Variants in TBC1D5 observed in about 807,000 individuals in gnomAD.
TBC1D5 encodes the protein TBC1 domain family member 5, also known as TBC1 domain family, member 5.
In TBC1D5, 75 loss-of-function variants were observed where a neutral mutation model predicts 100.3. That is an observed-to-expected ratio of 0.75 (90% confidence interval 0.62 to 0.91). The LOEUF (loss-of-function observed/expected upper bound fraction) is 0.91, where lower values mean the gene tolerates loss of function less well. TBC1D5 is among the 40% of genes least tolerant of loss of function. The pLI is 0.00. For synonymous variants in TBC1D5, 323 were observed against 325.6 expected, an observed-to-expected ratio of 0.99 and a Z score of 0.09; for missense variants, 910 against 942.4, an observed-to-expected ratio of 0.97 and a Z score of 0.45.
intron 2 of TBC1D5, among the ~76,000 whole-genome samples, chr3:17,617,178 T>C (rs2062242342): frequency 6.6e-6 from 1 of 152,190 alleles, no homozygotes; most frequent in South Asian, 2.1e-4. Context: ...AAATTCTGGG[T>C]TGAAAATTCT....
chr3:17,356,138 C>A (rs1301088280), intron 13 of TBC1D5, among the ~76,000 whole-genome samples: 2 of 152,028 alleles, frequency 1.3e-5, no homozygotes, highest in African/African-American at 4.8e-5. Flanking sequence ...GTGTTATTTT[C>A]AAAGGTGTGT....
At chr3:17,482,396 G>A (rs2095512057) in intron 3 of TBC1D5, among the ~76,000 whole-genome samples, 1 of 152,190 alleles carries the variant, frequency 6.6e-6, no homozygotes, top group African/African-American at 2.4e-5. Context: ...ATACTTTTGT[G>A]TATGCAATTT....
At chr3:17,562,873 A>G (rs2096568583) in intron 2 of TBC1D5, among the ~76,000 whole-genome samples, 1 of 152,250 alleles carries the variant, frequency 6.6e-6, no homozygotes, top group Admixed American at 6.5e-5. Flanking sequence ...AAGATTCTGA[A>G]GTCTATGTAG....
At chr3:17,205,140 C>G (rs1390523086) in intron 18 of TBC1D5, among the ~76,000 whole-genome samples, 1 of 152,148 alleles carries the variant, frequency 6.6e-6, no homozygotes, top group Admixed American at 6.5e-5. Flanking sequence ...TTTCAATAAA[C>G]TATACTAAAT....
chr3:17,265,885 CTT>C (rs367863783), intron 15 of TBC1D5, among the ~76,000 whole-genome samples: 36 of 142,352 alleles, frequency 2.5e-4, no homozygotes, highest in Admixed American at 2.1e-4. Flanking sequence ...CTGCCAATTG[CTT>C]TTTTTTTTTT....
At chr3:17,619,201 C>T (rs1329169133) in intron 2 of TBC1D5, among the ~76,000 whole-genome samples, 1 of 152,186 alleles carries the variant, frequency 6.6e-6, no homozygotes, top group African/African-American at 2.4e-5. Context: ...TTGGTTAGAA[C>T]ATCTCAACAT....
intron 2 of TBC1D5, among the ~76,000 whole-genome samples, chr3:17,538,706 A>AT (rs2096312492): frequency 1.3e-5 from 2 of 152,056 alleles, no homozygotes; most frequent in Admixed American, 1.3e-4. Flanking sequence ...GGATTCAAAG[A>AT]TTTTCCAATT....
intron 13 of TBC1D5, among the ~76,000 whole-genome samples, chr3:17,326,705 C>A (rs2596652): frequency 0.41 from 61,979 of 152,050 alleles, 13,265 homozygotes; most frequent in Middle Eastern, 0.5. Context: ...AACTCCTGGG[C>A]TCAAGTAACC....
chr3:17,160,776 TA>T, exon 22 of TBC1D5: 1 of 751,366 alleles, frequency 1.3e-6, no homozygotes. Context: ...GTGGCAAACC[TA>T]AGCCTCTGTG....
intron 13 of TBC1D5, among the ~76,000 whole-genome samples, chr3:17,336,423 G>A (rs1192524146): frequency 1.3e-5 from 2 of 152,020 alleles, no homozygotes; most frequent in Non-Finnish European, 1.5e-5. Flanking sequence ...TTTGTTTCCT[G>A]TAATCAAGCA....
intron 13 of TBC1D5, among the ~76,000 whole-genome samples, chr3:17,311,140 T>C (rs966197727): frequency 6.6e-6 from 1 of 152,036 alleles, no homozygotes; most frequent in South Asian, 2.1e-4. Flanking sequence ...ACTCCTACAA[T>C]TAACATGCTT....
chr3:17,738,818 T>G (rs1476976361), intron 1 of TBC1D5, among the ~76,000 whole-genome samples: 1 of 152,252 alleles, frequency 6.6e-6, no homozygotes, highest in Non-Finnish European at 1.5e-5. Context: ...TAACCTCTGA[T>G]GATAATCTCT....
intron 2 of TBC1D5, among the ~76,000 whole-genome samples, chr3:17,599,861 T>C (rs1190756685): frequency 1.3e-5 from 2 of 151,580 alleles, no homozygotes; most frequent in Non-Finnish European, 2.9e-5. Context: ...TCTCAAAAGG[T>C]ATAAAAGGGA....
At chr3:17,424,261 T>A (rs1449650710) in intron 4 of TBC1D5, among the ~76,000 whole-genome samples, 2 of 152,168 alleles carry the variant, frequency 1.3e-5, no homozygotes, top group African/African-American at 4.8e-5. Context: ...CTAAACAGAT[T>A]AATGTAATAG....
intron 13 of TBC1D5, among the ~76,000 whole-genome samples, chr3:17,369,958 T>A (rs1338579406): frequency 6.6e-6 from 1 of 152,322 alleles, no homozygotes; most frequent in South Asian, 2.1e-4. Context: ...GAGGTAGCTA[T>A]GATTATTGCA....
chr3:17,591,494 G>A (rs1009770637), intron 2 of TBC1D5, among the ~76,000 whole-genome samples: 4 of 152,004 alleles, frequency 2.6e-5, no homozygotes, highest in African/African-American at 4.8e-5. Context: ...CAGACATTTC[G>A]GGGGACTACT....
At chr3:17,606,005 T>C (rs1462706544) in intron 2 of TBC1D5, among the ~76,000 whole-genome samples, 1 of 152,212 alleles carries the variant, frequency 6.6e-6, no homozygotes, top group Non-Finnish European at 1.5e-5. Flanking sequence ...TTGGCCTGTC[T>C]AAATTGTGAT....
intron 1 of TBC1D5, among the ~76,000 whole-genome samples, chr3:17,675,822 C>T (rs1362731807): frequency 6.6e-6 from 1 of 152,026 alleles, no homozygotes; most frequent in Non-Finnish European, 1.5e-5. Context: ...AACAAAAAGA[C>T]GTTTCCTTAG....
At chr3:17,687,438 A>C (rs2070467195) in intron 1 of TBC1D5, among the ~76,000 whole-genome samples, 1 of 152,194 alleles carries the variant, frequency 6.6e-6, no homozygotes. Context: ...ATACTTTGTC[A>C]GCTAGGATTA....
Sources: allele counts gnomAD v4.1 joint callset (sites outside exome capture counted in the v4.1 genomes callset), GRCh38; gene constraint gnomAD v4.1.1; transcripts MANE v1.5; gene names NCBI Gene and HGNC (gene_info 2026-07-23, HGNC 2026-07-21).